REDIC1: variants seen among roughly 807,000 people sequenced by gnomAD.
The protein encoded by REDIC1 is regulator of DNA class I crossover intermediates 1, also known as HEI10 Interacting Protein 1.
chr12:39,627,395 ATTC>A, the REDIC1 span, among the ~76,000 whole-genome samples: 1 of 152,214 alleles, frequency 6.6e-6, no homozygotes. Context: ...TGAATTTAGT[ATTC>A]TTTAAAATAT....
chr12:39,758,775 G>C, the REDIC1 span: 2 of 151,460 alleles, frequency 1.3e-5, no homozygotes, highest in African/African-American at 2.4e-5. Flanking sequence ...GAAAAACACA[G>C]AGACAAATCT....
the REDIC1 span, among the ~76,000 whole-genome samples, chr12:39,873,943 T>C: frequency 3.3e-5 from 5 of 152,198 alleles, no homozygotes; most frequent in Non-Finnish European, 5.9e-5. Flanking sequence ...TATTTATTTA[T>C]TAAGTACCTA....
At chr12:39,750,080 G>A in the REDIC1 span, among the ~76,000 whole-genome samples, 4 of 152,126 alleles carry the variant, frequency 2.6e-5, no homozygotes, top group East Asian at 7.7e-4. Flanking sequence ...CAATCAGGCA[G>A]GAGAAAGAAA....
chr12:39,843,891 G>A, the REDIC1 span, among the ~76,000 whole-genome samples: 2 of 151,962 alleles, frequency 1.3e-5, no homozygotes, highest in African/African-American at 4.8e-5. Context: ...CTGAGCTATA[G>A]TATATGATTA....
At chr12:39,843,254 G>A in the REDIC1 span, among the ~76,000 whole-genome samples, 5 of 152,062 alleles carry the variant, frequency 3.3e-5, no homozygotes, top group South Asian at 1.0e-3. Flanking sequence ...AATGATACTG[G>A]TACAGAATGA....
chr12:39,874,711 T>C, the REDIC1 span, among the ~76,000 whole-genome samples: 1 of 151,864 alleles, frequency 6.6e-6, no homozygotes, highest in African/African-American at 2.4e-5. Flanking sequence ...AATGTAATGC[T>C]CTATGTTTGG....
the REDIC1 span, among the ~76,000 whole-genome samples, chr12:39,769,428 T>A: frequency 6.6e-6 from 1 of 152,132 alleles, no homozygotes; most frequent in Admixed American, 6.6e-5. Context: ...CAACTGGAAT[T>A]CTTTTAAAAG....
the REDIC1 span, among the ~76,000 whole-genome samples, chr12:39,655,078 C>T: frequency 6.6e-6 from 1 of 152,018 alleles, no homozygotes; most frequent in Non-Finnish European, 1.5e-5. Flanking sequence ...GTGTTTATAT[C>T]ACTTCTTTAA....
At chr12:39,712,091 TAC>T in the REDIC1 span, among the ~76,000 whole-genome samples, 1 of 143,078 alleles carries the variant, frequency 7.0e-6, no homozygotes, top group African/African-American at 2.5e-5. Flanking sequence ...TATATATACA[TAC>T]ATATATACCT....
the REDIC1 span, among the ~76,000 whole-genome samples, chr12:39,878,024 T>C: frequency 1.3e-5 from 2 of 152,188 alleles, no homozygotes; most frequent in Non-Finnish European, 2.9e-5. Flanking sequence ...TTTTGCCATG[T>C]GATGTGTCTG....
chr12:39,636,973 T>C, the REDIC1 span, among the ~76,000 whole-genome samples: 1 of 151,992 alleles, frequency 6.6e-6, no homozygotes, highest in Non-Finnish European at 1.5e-5. Flanking sequence ...CTTTAAACCT[T>C]TCCTTACTAG....
At chr12:39,666,495 G>A in the REDIC1 span, among the ~76,000 whole-genome samples, 10 of 152,106 alleles carry the variant, frequency 6.6e-5, no homozygotes, top group South Asian at 2.1e-4. Flanking sequence ...CTTTTGCATC[G>A]ATGTTCATCA....
At chr12:39,728,594 G>A in the REDIC1 span, among the ~76,000 whole-genome samples, 1 of 152,054 alleles carries the variant, frequency 6.6e-6, no homozygotes, top group Non-Finnish European at 1.5e-5. Flanking sequence ...CAGGCATATT[G>A]GCCTGAAATT....
chr12:39,705,101 T>A, the REDIC1 span, among the ~76,000 whole-genome samples: 30 of 136,676 alleles, frequency 2.2e-4, no homozygotes, highest in South Asian at 6.6e-4. Context: ...ATTAAAAAAA[T>A]AAATAAATAA....
chr12:39,808,046 G>A, the REDIC1 span, among the ~76,000 whole-genome samples: 1 of 152,104 alleles, frequency 6.6e-6, no homozygotes, highest in Non-Finnish European at 1.5e-5. Flanking sequence ...TTTTGACAAT[G>A]TATAAATCCA....
the REDIC1 span, among the ~76,000 whole-genome samples, chr12:39,665,046 T>C: frequency 1.3e-5 from 2 of 152,334 alleles, no homozygotes. Flanking sequence ...GATCATAGTT[T>C]CTTTTGCTGT....
the REDIC1 span, among the ~76,000 whole-genome samples, chr12:39,703,606 G>C: frequency 2.0e-5 from 3 of 152,144 alleles, no homozygotes; most frequent in Admixed American, 6.6e-5. Context: ...AACCAAAAAA[G>C]ATCCCTCATT....
At chr12:39,895,526 A>G in the REDIC1 span, among the ~76,000 whole-genome samples, 2,013 of 41,090 alleles carry the variant, frequency 0.049, 222 homozygotes, top group East Asian at 0.21. Flanking sequence ...ATATATATAT[A>G]TATATATATA....
At chr12:39,889,748 T>A in the REDIC1 span, among the ~76,000 whole-genome samples, 1 of 152,058 alleles carries the variant, frequency 6.6e-6, no homozygotes, top group African/African-American at 2.4e-5. Flanking sequence ...GCCAGGATGG[T>A]CTTGATTTCT....
Sources: gnomAD v4.1 joint callset for allele counts (sites outside exome capture counted in the v4.1 genomes callset) on GRCh38, gnomAD v4.1.1 for gene constraint, MANE v1.5 for transcripts, NCBI Gene and HGNC (gene_info 2026-07-23, HGNC 2026-07-21) for gene names.